ENTHD1: variants seen among roughly 807,000 people sequenced by gnomAD.
The protein encoded by ENTHD1 is ENTH domain-containing protein 1.
Under a neutral mutation model 39.1 loss-of-function variants are expected in ENTHD1, and 23 were observed. The observed-to-expected ratio is 0.59, with a 90% confidence interval of 0.42 to 0.83. The LOEUF (loss-of-function observed/expected upper bound fraction) is 0.83, where lower values mean the gene tolerates loss of function less well. Ranked by LOEUF, ENTHD1 falls within the 40% of genes least tolerant of loss-of-function variation. The pLI is 0.00. For synonymous variants in ENTHD1, 230 were observed against 258.2 expected, an observed-to-expected ratio of 0.89 and a Z score of 1.05; for missense variants, 624 against 705.4, an observed-to-expected ratio of 0.88 and a Z score of 1.31.
chr22:39,764,504 T>C (rs1281035103), intron 6 of ENTHD1, among the ~76,000 whole-genome samples: 1 of 152,148 alleles, frequency 6.6e-6, no homozygotes, highest in Non-Finnish European at 1.5e-5. Flanking sequence ...TATATTTATA[T>C]GAGTTGGTTA....
chr22:39,773,178 C>A (rs1362783970), intron 5 of ENTHD1, among the ~76,000 whole-genome samples: 15 of 144,314 alleles, frequency 1.0e-4, no homozygotes, highest in Non-Finnish European at 2.0e-4. Flanking sequence ...TGGCCAAATC[C>A]AACTAAGTCA....
intron 5 of ENTHD1, among the ~76,000 whole-genome samples, chr22:39,810,992 C>G (rs924111392): frequency 3.3e-5 from 5 of 152,184 alleles, no homozygotes; most frequent in African/African-American, 1.2e-4. Flanking sequence ...CACTGGCTAT[C>G]ACATTGATGA....
intron 3 of ENTHD1, among the ~76,000 whole-genome samples, chr22:39,837,429 AGGC>A (rs1569161398): frequency 1.3e-5 from 2 of 152,168 alleles, no homozygotes; most frequent in Non-Finnish European, 2.9e-5. Flanking sequence ...TACAAAAGAA[AGGC>A]ATATCTTCAC....
chr22:39,820,013 T>C (rs186523498), intron 5 of ENTHD1, among the ~76,000 whole-genome samples: 2 of 152,342 alleles, frequency 1.3e-5, no homozygotes, highest in African/African-American at 4.8e-5. Flanking sequence ...TAACCACTTA[T>C]AACTAATTAT....
chr22:39,747,588 G>A (rs1345737312), intron 6 of ENTHD1, among the ~76,000 whole-genome samples: 1 of 152,070 alleles, frequency 6.6e-6, no homozygotes, highest in Non-Finnish European at 1.5e-5. Flanking sequence ...ACAGTGAGGG[G>A]ACTTGACATC....
In ENTHD1 at chr22:39,861,789, T is replaced by C. The variant is rs2066142521; in HGVS notation, c.568A>G (p.Lys190Glu). The C allele has an allele frequency of 6.4e-7, 1 of 1,561,664 alleles. No individual in the cohort carries two copies. Among genetic ancestry groups the C allele is most frequent in the African/African-American group, 1.3e-5 (1 of 74,514 alleles). ...SASEKKYKLP[K>E]FGRLHNKRNV... ...CTTTTATTATGTAACCTTCCAAACT[T>C]AGGAAGCTTATACTTCTTCTCTGAA... Residue 190 changes from lysine (K) to glutamate (E), a missense_variant, in exon 3 of 7, where the codon AAG (lysine) becomes GAG (glutamate). Coordinates refer to ENST00000325157, the MANE Select transcript of ENTHD1 (RefSeq NM_152512.4).
At chr22:39,891,160 A>G (rs1164501985) in intron 1 of ENTHD1, among the ~76,000 whole-genome samples, 1 of 152,222 alleles carries the variant, frequency 6.6e-6, no homozygotes, top group Non-Finnish European at 1.5e-5. Flanking sequence ...TTCATGTCAC[A>G]AATCTGAGAG....
At chr22:39,848,674 C>G (rs1278731454) in intron 3 of ENTHD1, among the ~76,000 whole-genome samples, 2 of 152,144 alleles carry the variant, frequency 1.3e-5, no homozygotes, top group Admixed American at 1.3e-4. Context: ...TCTGTCCACG[C>G]TCAAAGGGGA....
intron 5 of ENTHD1, among the ~76,000 whole-genome samples, chr22:39,808,047 G>C (rs1364576611): frequency 6.6e-6 from 1 of 152,064 alleles, no homozygotes; most frequent in Admixed American, 6.5e-5. Context: ...CCACTTCCTA[G>C]TTCTGTGACT....
chr22:39,866,054 G>A (rs1424905562), intron 2 of ENTHD1, among the ~76,000 whole-genome samples: 1 of 152,204 alleles, frequency 6.6e-6, no homozygotes, highest in Non-Finnish European at 1.5e-5. Flanking sequence ...GACTCCAAGT[G>A]ACCCAGCTTG....
intron 5 of ENTHD1, among the ~76,000 whole-genome samples, chr22:39,782,810 CA>C (rs1228447332): frequency 6.6e-6 from 1 of 152,090 alleles, no homozygotes; most frequent in African/African-American, 2.4e-5. Context: ...ATAAGAAACC[CA>C]CAGCTAACAT....
At chr22:39,820,258 G>A (rs1271200539) in intron 5 of ENTHD1, among the ~76,000 whole-genome samples, 1 of 152,160 alleles carries the variant, frequency 6.6e-6, no homozygotes, top group African/African-American at 2.4e-5. Context: ...AGAGTGGGAA[G>A]ATATAACTCA....
At chr22:39,810,334 A>G (rs951288327) in intron 5 of ENTHD1, among the ~76,000 whole-genome samples, 1 of 152,154 alleles carries the variant, frequency 6.6e-6, no homozygotes, top group Non-Finnish European at 1.5e-5. Context: ...GTGACACATG[A>G]AGTCTTGGCC....
At chr22:39,799,951 G>A (rs2065585321) in intron 5 of ENTHD1, among the ~76,000 whole-genome samples, 1 of 152,194 alleles carries the variant, frequency 6.6e-6, no homozygotes, top group Admixed American at 6.5e-5. Flanking sequence ...GATGTAGTCT[G>A]GTGGGGGCTG....
chr22:39,813,605 C>T (rs2065710500), intron 5 of ENTHD1, among the ~76,000 whole-genome samples: 1 of 152,168 alleles, frequency 6.6e-6, no homozygotes, highest in African/African-American at 2.4e-5. Context: ...CAAAAACACA[C>T]ATTAAGCCTC....
intron 3 of ENTHD1, among the ~76,000 whole-genome samples, chr22:39,857,471 A>AAAAAAAAAAAAAT (rs1555940780): frequency 8.4e-6 from 1 of 118,574 alleles, no homozygotes; most frequent in African/African-American, 3.2e-5. Context: ...AAAAAAAAAA[A>AAAAAAAAAAAAAT]GCAATCTGTG....
intron 5 of ENTHD1, among the ~76,000 whole-genome samples, chr22:39,786,806 C>G (rs1458600500): frequency 6.6e-6 from 1 of 152,204 alleles, no homozygotes; most frequent in Non-Finnish European, 1.5e-5. Flanking sequence ...TCTTTCTGTG[C>G]CTGGCTTATT....
In ENTHD1 at chr22:39,867,362, C is replaced by A. The variant is rs575561787; in HGVS notation, c.350-5355G>T. On this transcript the variant is annotated intron_variant, in intron 2 of 6. Coordinates refer to ENST00000325157, the MANE Select transcript of ENTHD1 (RefSeq NM_152512.4). The surrounding 1 kb of genome is among the most constrained non-coding windows in gnomAD (Gnocchi z 4.5). ...CTAGGCTTCAAACAATCGTAAAAAT[C>A]TTAATACTCCTGTCTCTATTCCTGA... is the stretch of plus-strand genomic sequence containing the variant. Among the ~76,000 whole-genome samples, 1 of 152,064 alleles carries A rather than the reference C, an allele frequency of 6.6e-6. No individual in the cohort carries two copies. The highest frequency in any genetic ancestry group is 1.9e-4 in the East Asian group (1 of 5,156).
intron 6 of ENTHD1, among the ~76,000 whole-genome samples, chr22:39,764,510 G>A (rs1011017054): frequency 6.6e-6 from 1 of 151,866 alleles, no homozygotes; most frequent in African/African-American, 2.4e-5. Flanking sequence ...TATATGAGTT[G>A]GTTAGCACTA....
Sources: allele counts gnomAD v4.1 joint callset (sites outside exome capture counted in the v4.1 genomes callset), GRCh38; gene constraint gnomAD v4.1.1; non-coding constraint Gnocchi (gnomAD v3.1); transcripts MANE v1.5; gene names NCBI Gene and HGNC (gene_info 2026-07-23, HGNC 2026-07-21).